DCC: variants seen among roughly 807,000 people sequenced by gnomAD.
The protein encoded by DCC is netrin receptor DCC.
DCC carries 58 observed loss-of-function variants against 172.5 expected under a neutral mutation model. That is an observed-to-expected ratio of 0.34 (90% CI 0.27 to 0.42). DCC has a LOEUF of 0.42. DCC is among the 10% of genes least tolerant of loss of function. The pLI is 1.00. For synonymous variants in DCC, 709 were observed against 644.5 expected (o/e 1.10, Z -1.52); for missense variants, 1,740 against 1,791.0 (o/e 0.97, Z 0.51).
chr18:53,399,215 G>T (rs765087765), intron 18 of DCC, among the ~76,000 whole-genome samples: 1 of 152,098 alleles, frequency 6.6e-6, no homozygotes, highest in African/African-American at 2.4e-5. Context: ...TAGAAGTGAG[G>T]AACTGTTGGT....
chr18:52,819,221 C>T (rs997672781), intron 2 of DCC, among the ~76,000 whole-genome samples: 2 of 151,888 alleles, frequency 1.3e-5, no homozygotes, highest in African/African-American at 2.4e-5. Flanking sequence ...AGCTAATCAC[C>T]CTCCTCTTCC....
intron 7 of DCC, among the ~76,000 whole-genome samples, chr18:53,132,810 A>C (rs939458067): frequency 6.6e-6 from 1 of 152,138 alleles, no homozygotes; most frequent in Non-Finnish European, 1.5e-5. Context: ...CCACTGATTT[A>C]TGGAGAAGGA....
intron 7 of DCC, among the ~76,000 whole-genome samples, chr18:53,099,944 T>C (rs1238932763): frequency 1.1e-5 from 1 of 95,074 alleles, no homozygotes; most frequent in East Asian, 5.6e-4. Flanking sequence ...TCTTTCTTTC[T>C]TTTTTTTTTT....
chr18:53,037,626 G>A (rs1486979811), intron 5 of DCC, among the ~76,000 whole-genome samples: 1 of 152,024 alleles, frequency 6.6e-6, no homozygotes, highest in East Asian at 2.0e-4. Flanking sequence ...ATACCATACT[G>A]ATATAGAAAG....
chr18:53,427,916 A>G (rs60867925), intron 21 of DCC, among the ~76,000 whole-genome samples: 417 of 38,260 alleles, frequency 0.011, 56 homozygotes, highest in African/African-American at 0.024. Context: ...ATATATAATA[A>G]TATAATATAT....
At chr18:52,514,764 G>A (rs113102997) in intron 1 of DCC, among the ~76,000 whole-genome samples, 2 of 152,228 alleles carry the variant, frequency 1.3e-5, no homozygotes, top group African/African-American at 4.8e-5. Context: ...GAAATGAGAA[G>A]ATCAAAGCTA....
At chr18:52,580,343 G>A (rs1056880288) in intron 1 of DCC, among the ~76,000 whole-genome samples, 4 of 152,090 alleles carry the variant, frequency 2.6e-5, no homozygotes, top group Non-Finnish European at 5.9e-5. Flanking sequence ...CTGCAGCCTC[G>A]AACTCACAAT....
intron 1 of DCC, among the ~76,000 whole-genome samples, chr18:52,479,767 C>T (rs548264790): frequency 6.6e-6 from 1 of 152,136 alleles, no homozygotes; most frequent in East Asian, 1.9e-4. Context: ...AAAAGAAAAT[C>T]AATAAGGAAA....
intron 1 of DCC, among the ~76,000 whole-genome samples, chr18:52,630,267 C>G (rs1245074753): frequency 1.3e-5 from 2 of 152,100 alleles, no homozygotes; most frequent in African/African-American, 4.8e-5. Context: ...AGGGGTTCAT[C>G]CTATAAAATG....
chr18:52,977,901 GA>G (rs1568223927), intron 5 of DCC, among the ~76,000 whole-genome samples: 8 of 140,030 alleles, frequency 5.7e-5, no homozygotes, highest in Middle Eastern at 3.6e-3. Context: ...AAAAAGAAAA[GA>G]AAAAAGAAAA....
At chr18:53,034,182 G>A (rs984851402) in intron 5 of DCC, among the ~76,000 whole-genome samples, 7 of 151,768 alleles carry the variant, frequency 4.6e-5, no homozygotes, top group East Asian at 1.9e-4. Flanking sequence ...CCAAAATTCT[G>A]CCCCGAGCTT....
intron 1 of DCC, among the ~76,000 whole-genome samples, chr18:52,591,702 C>A (rs1391219682): frequency 6.6e-6 from 1 of 152,066 alleles, no homozygotes; most frequent in Admixed American, 6.6e-5. Context: ...CTTGCCTCAG[C>A]CTTCTGAGTA....
chr18:52,423,518 G>A (rs570115083), intron 1 of DCC, among the ~76,000 whole-genome samples: 8 of 151,980 alleles, frequency 5.3e-5, no homozygotes, highest in Non-Finnish European at 1.0e-4. Context: ...AGAAGATGAA[G>A]TGGCTGAGAT....
At chr18:52,457,106 G>A (rs1598833389) in intron 1 of DCC, among the ~76,000 whole-genome samples, 1 of 152,132 alleles carries the variant, frequency 6.6e-6, no homozygotes, top group East Asian at 1.9e-4. Context: ...CTTCACTTTT[G>A]TAGTTGAAAT....
In DCC at chr18:52,541,291, G is replaced by A. The variant is rs180956516; in HGVS notation, c.91+200413G>A. ...GATGGTCTTCTCCTTCTGCTCTATT[G>A]AGCAAAAGCAATTGAGCTCAGAGCT... On this transcript the variant is annotated intron_variant, in intron 1 of 28. Transcript: ENST00000442544. Among the ~76,000 whole-genome samples, 23 of 152,250 alleles carry A rather than the reference G, an allele frequency of 1.5e-4. No homozygotes were observed. In the East Asian group the frequency reaches 4.1e-3, roughly 27 times the overall value.
At position 53,402,774 on chromosome 18, in the gene DCC, C is replaced by T; in HGVS notation, c.2828-12C>T. ...TCCAATGACAAGGCCTTATCTCTGT[C>T]TCACCTCACAGCCCCCACCTCTGCT... On this transcript the variant is annotated splice_polypyrimidine_tract_variant and intron_variant, in intron 18 of 28. Transcript: ENST00000442544. The T allele has an allele frequency of 6.3e-7, 1 of 1,589,560 alleles. No individual in the cohort carries two copies. Among genetic ancestry groups the T allele is most frequent in the Non-Finnish European group, 8.6e-7 (1 of 1,157,726 alleles).
intron 7 of DCC, among the ~76,000 whole-genome samples, chr18:53,100,862 TAGAG>T (rs1050168142): frequency 2.7e-4 from 41 of 151,996 alleles, no homozygotes; most frequent in African/African-American, 4.8e-5. Context: ...TGTTTTAAGA[TAGAG>T]AGAGGGCTAC....
chr18:52,879,757 T>C (rs1487929366), intron 2 of DCC, among the ~76,000 whole-genome samples: 1 of 152,156 alleles, frequency 6.6e-6, no homozygotes, highest in Non-Finnish European at 1.5e-5. Context: ...TCAGGACTAC[T>C]GTCGCAGCTC....
At chr18:53,045,159 AG>A (rs1437157056) in intron 5 of DCC, among the ~76,000 whole-genome samples, 4 of 151,914 alleles carry the variant, frequency 2.6e-5, no homozygotes, top group Admixed American at 2.0e-4. Flanking sequence ...TAATATGGTA[AG>A]TACAATTATG....
Sources: gnomAD v4.1 joint callset for allele counts (sites outside exome capture counted in the v4.1 genomes callset) on GRCh38, gnomAD v4.1.1 for gene constraint, MANE v1.5 for transcripts, NCBI Gene and HGNC (gene_info 2026-07-23, HGNC 2026-07-21) for gene names.